ARL13B: variants seen among roughly 807,000 people sequenced by gnomAD.
ARL13B encodes the protein ARF like GTPase 13B.
A neutral mutation model predicts 56.1 loss-of-function variants in ARL13B; 36 were observed. The ratio of observed to expected loss-of-function variants is 0.64; its 90% CI spans 0.49 to 0.85. The LOEUF is 0.85. Among genes scored for constraint, ARL13B ranks in the 40% least tolerant of loss-of-function variants. The pLI is 0.00. For synonymous variants in ARL13B, 178 were observed against 171.1 expected, an observed-to-expected ratio of 1.04 and a Z score of -0.32; for missense variants, 519 against 507.1, an observed-to-expected ratio of 1.02 and a Z score of -0.23.
chr3:94,054,126 T>C lies in ARL13B; in HGVS notation c.*863T>C, dbSNP rs1427716008. On this transcript the variant is annotated 3_prime_UTR_variant, in exon 10 of 10. Coordinates refer to ENST00000394222, the MANE Select transcript of ARL13B (RefSeq NM_001174150.2). ...CACTTTCAGAGATCAAGGTGCTCCC[T>C]ATACTCCCTTGTTCCATCAGAAGCT... is the stretch of plus-strand genomic sequence containing the variant. 1 of 453,154 alleles carries C rather than the reference T, an allele frequency of 2.2e-6. No individual in the cohort carries two copies. Among genetic ancestry groups the C allele is most frequent in the South Asian group, 1.6e-5 (1 of 64,366 alleles). The allele number at this position is 453,154 out of a possible 1,614,324, so 28.1% of individuals were successfully genotyped here.
At chr3:94,039,499 CAAAAAAAAAAAA>C (rs11437061) in intron 5 of ARL13B, among the ~76,000 whole-genome samples, 1 of 65,286 alleles carries the variant, frequency 1.5e-5, no homozygotes, top group African/African-American at 5.0e-5. Flanking sequence ...GACTCCGACT[CAAAAAAAAAAAA>C]AAAAAAAAAG....
chr3:94,035,303 G>T (rs2076747366), intron 3 of ARL13B, 28 bp from the exon 4 acceptor site: 3 of 1,373,790 alleles, frequency 2.2e-6, no homozygotes, highest in African/African-American at 1.4e-5. Context: ...TATATATGCT[G>T]TATAAAAGTA....
rs534127207 is a variant in ARL13B, at chr3:94,052,713, C to CT, written c.1211-470dup. 3.6e-3 allele frequency among the ~76,000 whole-genome samples: 544 copies of CT among 152,106 alleles called. 6 individuals carry two copies. The highest frequency in any genetic ancestry group is 0.012 in the African/African-American group (506 of 41,488). On this transcript the variant is annotated intron_variant, in intron 9 of 9. Transcript: ENST00000394222. ...ACTTGCTATAACTTTTAAAGAAATG[C>CT]TTTTATTTTTAAAAGGGAAAATGCT...
chr3:93,984,904 G>T (rs1174538483), intron 1 of ARL13B, among the ~76,000 whole-genome samples: 1 of 152,050 alleles, frequency 6.6e-6, no homozygotes, highest in Admixed American at 6.6e-5. Context: ...GAGCTACTTG[G>T]GGGGCTGAGG....
Position 94,040,028 on chromosome 3 carries a change from A to G in ARL13B, c.798+40A>G, listed in dbSNP as rs199886170. 21 of 1,567,364 alleles carry G rather than the reference A, an allele frequency of 1.3e-5. No individual in the cohort carries two copies. The African/African-American group carries it at 2.3e-4, about 17-fold the overall frequency. Reference sequence around the variant, plus strand: ...AAATGTAATTTTTGTATCTTAAGTTATAAGTTGGAACTTGGAAAAGAAGGT... The same window carrying G: ...AAATGTAATTTTTGTATCTTAAGTTGTAAGTTGGAACTTGGAAAAGAAGGT... On this transcript the variant is annotated intron_variant, in intron 6 of 9. Transcript: ENST00000394222.
chr3:94,039,375 C>A (rs2076823238), intron 5 of ARL13B, among the ~76,000 whole-genome samples: 1 of 151,764 alleles, frequency 6.6e-6, no homozygotes, highest in Non-Finnish European at 1.5e-5. Flanking sequence ...TGGCGGGCGC[C>A]TGTAGTCCCA....
At position 93,989,755 on chromosome 3, in the gene ARL13B, C is replaced by A. The variant is rs569440369; in HGVS notation, c.60-6119C>A. Among the ~76,000 whole-genome samples, 3 of 152,176 alleles carry A rather than the reference C, an allele frequency of 2.0e-5. No homozygotes were observed. In the East Asian group the frequency reaches 5.8e-4, roughly 29 times the overall value. On this transcript the variant is annotated intron_variant, in intron 1 of 9. Coordinates refer to ENST00000394222, the MANE Select transcript of ARL13B (RefSeq NM_001174150.2). ...AAATGGCAAATCTGGCACTTGAACTCAGGTCTCTAACACCAAATTTGTGGC... is the reference window on the plus strand; with the variant it reads ...AAATGGCAAATCTGGCACTTGAACTAAGGTCTCTAACACCAAATTTGTGGC...
chr3:94,033,795 A>G (rs2076717297), intron 3 of ARL13B, among the ~76,000 whole-genome samples: 1 of 152,342 alleles, frequency 6.6e-6, no homozygotes, highest in Non-Finnish European at 1.5e-5. Context: ...CCTACGAAGT[A>G]TGCTTGCCAA....
chr3:94,039,323 A>C (rs924533677), intron 5 of ARL13B, among the ~76,000 whole-genome samples: 10 of 151,924 alleles, frequency 6.6e-5, no homozygotes, highest in African/African-American at 2.4e-4. Flanking sequence ...ATAGGGTGAA[A>C]CCCCGTCTCT....
chr3:94,022,313 A>G (rs1025028107), intron 3 of ARL13B, among the ~76,000 whole-genome samples: 6 of 151,880 alleles, frequency 4.0e-5, no homozygotes, highest in Non-Finnish European at 8.8e-5. Context: ...TTTAATAGAG[A>G]TGGGGTTTTA....
At chr3:94,010,022 C>T (rs1160986884) in intron 3 of ARL13B, among the ~76,000 whole-genome samples, 2 of 152,068 alleles carry the variant, frequency 1.3e-5, no homozygotes, top group African/African-American at 4.8e-5. Flanking sequence ...CAGCATCAGC[C>T]TAGACCTTCA....
chr3:94,030,455 G>A (rs1410130397), intron 3 of ARL13B, among the ~76,000 whole-genome samples: 1 of 143,964 alleles, frequency 6.9e-6, no homozygotes, highest in Non-Finnish European at 1.5e-5. Context: ...AGCTGGTCTT[G>A]AACCCCTGAC....
intron 3 of ARL13B, among the ~76,000 whole-genome samples, chr3:94,017,946 G>A (rs1437787820): frequency 6.6e-5 from 10 of 152,180 alleles, no homozygotes; most frequent in Admixed American, 6.5e-4. Context: ...ACATCATAAA[G>A]GACTTGTGGG....
At chr3:94,047,138 G>T (rs778264038) in intron 7 of ARL13B, among the ~76,000 whole-genome samples, 2 of 152,142 alleles carry the variant, frequency 1.3e-5, no homozygotes, top group Admixed American at 1.3e-4. Flanking sequence ...CCCTATAATT[G>T]TTGCTTCCTT....
intron 3 of ARL13B, among the ~76,000 whole-genome samples, chr3:94,006,816 C>G (rs1312292408): frequency 6.6e-6 from 1 of 152,116 alleles, no homozygotes; most frequent in African/African-American, 2.4e-5. Flanking sequence ...CTAACATAAC[C>G]TCTGCAACTA....
At chr3:93,981,102 T>C (rs906922042) in intron 1 of ARL13B, among the ~76,000 whole-genome samples, 4 of 152,236 alleles carry the variant, frequency 2.6e-5, no homozygotes, top group African/African-American at 9.6e-5. Context: ...AACCTTTTAA[T>C]TGAAAGGGTC....
rs980336331 is a variant in ARL13B, at chr3:94,053,119, A to G, written c.1211-68A>G. ...TAAAATGTCTAAAGTCTAAAAAATA[A>G]TGAACTGTGTCAAAAATCTTGATGT... On this transcript the variant is annotated intron_variant, in intron 9 of 9. Transcript: ENST00000394222. 4 of 1,274,394 alleles carry G rather than the reference A, an allele frequency of 3.1e-6. No homozygotes were observed. In the African/African-American group the frequency reaches 4.4e-5, roughly 14 times the overall value. 78.9% of individuals were successfully genotyped at this position (1,274,394 alleles called of 1,614,324 possible). A position where few individuals can be genotyped will look rare whatever the true frequency, so the allele number is the denominator to read the frequency against.
intron 3 of ARL13B, among the ~76,000 whole-genome samples, chr3:94,017,992 G>A (rs1245450256): frequency 6.6e-6 from 1 of 152,178 alleles, no homozygotes; most frequent in African/African-American, 2.4e-5. Context: ...TCTAGGTGCA[G>A]TAGAAGACAG....
At chr3:94,036,404 CTA>C in intron 4 of ARL13B, 146 bp from the exon 5 acceptor site, 2 of 747,434 alleles carry the variant, frequency 2.7e-6, no homozygotes, top group Non-Finnish European at 4.5e-6. Context: ...CATTGCAGTG[CTA>C]TGTTTTGGAA....
Sources: allele counts gnomAD v4.1 joint callset (sites outside exome capture counted in the v4.1 genomes callset), GRCh38; gene constraint gnomAD v4.1.1; transcripts MANE v1.5; gene names NCBI Gene and HGNC (gene_info 2026-07-23, HGNC 2026-07-21).